The following KRT10 variants were observed in gnomAD, a reference collection of about 807,000 sequenced individuals.
The protein encoded by KRT10 is keratin 10, also known as keratin, type I cytoskeletal 10.
KRT10 carries 40 observed loss-of-function variants against 59.2 expected under a neutral mutation model. The ratio of observed to expected loss-of-function variants is 0.68; its 90% CI spans 0.52 to 0.88. The LOEUF is 0.88. Among genes scored for constraint, KRT10 ranks in the 40% least tolerant of loss-of-function variants. The pLI is 0.00. For missense variants in KRT10, 719 were observed against 749.1 expected (o/e 0.96, Z 0.47); for synonymous variants, 336 against 310.7 (o/e 1.08, Z -0.86).
intron 7 of KRT10, 25 bp from the exon 8 acceptor site, chr17:40,818,507 T>G: frequency 6.8e-7 from 1 of 1,481,176 alleles, no homozygotes; most frequent in Non-Finnish European, 9.4e-7. Flanking sequence ...GAAAAAAAAT[T>G]TTAAACAGTC....
At position 40,818,924 on chromosome 17, in the gene KRT10, G is replaced by A. The variant is rs1484094889; in HGVS notation, c.1611C>T (p.Gly537=). ...SGGYGGGSSG[G]GGGGYGGGSS... is the part of the protein sequence containing the mutation. Reference sequence around the variant, plus strand: ...TGCCGCCCCCGTAGCCGCCGCCGCCGCCGCCGGAACTGCCACCACCGTAGC... The same window carrying A: ...TGCCGCCCCCGTAGCCGCCGCCGCCACCGCCGGAACTGCCACCACCGTAGC... Residue 537 remains glycine (G), a synonymous_variant, in exon 7 of 8, where the codon GGC becomes GGT. Coordinates refer to ENST00000269576, the MANE Select transcript of KRT10 (RefSeq NM_000421.5). 3 of 1,414,896 alleles carry A rather than the reference G, an allele frequency of 2.1e-6. No homozygotes were observed. Among genetic ancestry groups the A allele is most frequent in the Admixed American group, 2.5e-5 (1 of 39,350 alleles). The allele number at this position is 1,414,896 out of a possible 1,614,324, so 87.6% of individuals were successfully genotyped here.
At position 40,820,644 on chromosome 17, in the gene KRT10, C is replaced by T. The variant is rs369473843; in HGVS notation, c.734G>A (p.Arg245His). The T allele has an allele frequency of 4.9e-5, 79 of 1,614,174 alleles. No individual in the cohort carries two copies. Among genetic ancestry groups the T allele is most frequent in the South Asian group, 2.2e-4 (20 of 91,080 alleles). Reference sequence around the variant, plus strand: ...GTTGATGTCAGCCTCCACGCTCTGGCGCAGAGCTACCTCATTCTCATACCT... The same window carrying T: ...GTTGATGTCAGCCTCCACGCTCTGGTGCAGAGCTACCTCATTCTCATACCT... ...RLKYENEVAL[R>H]QSVEADINGL... The change falls in exon 3 of 8, where the codon CGC becomes CAC. Residue 245 changes from arginine (R) to histidine (H), a missense_variant. Coordinates refer to ENST00000269576, the MANE Select transcript of KRT10 (RefSeq NM_000421.5).
At chr17:40,819,445 G>T in intron 6 of KRT10, 72 bp downstream of exon 6, 1 of 1,437,286 alleles carries the variant, frequency 7.0e-7, no homozygotes, top group Non-Finnish European at 9.8e-7. Flanking sequence ...ATCTTCTTGG[G>T]GTTTAGATAA....
chr17:40,820,682 A>G lies in KRT10; in HGVS notation c.711-15T>C, dbSNP rs756574493. 1 of 1,614,040 alleles carries G rather than the reference A, an allele frequency of 6.2e-7. No individual in the cohort carries two copies. On this transcript the variant is annotated splice_polypyrimidine_tract_variant and intron_variant, in intron 2 of 7. Coordinates refer to ENST00000269576, the MANE Select transcript of KRT10 (RefSeq NM_000421.5). ...CATTCTCATACCTGAAACAAGCATG[A>G]TATCAATACTGGTTATAACTTATAT... is the stretch of plus-strand genomic sequence containing the variant.
In KRT10 at chr17:40,818,321, ATGC is replaced by A; in HGVS notation, c.*152_*154del. Reference sequence around the variant, plus strand: ...TGTTTTCTTGGAGACTTTGTTTTCCATGCATCTGTAAATAATGGTCTGTGTGAA... The same window carrying A: ...TGTTTTCTTGGAGACTTTGTTTTCCAATCTGTAAATAATGGTCTGTGTGAA... On this transcript the variant is annotated 3_prime_UTR_variant, in exon 8 of 8. Coordinates refer to ENST00000269576, the MANE Select transcript of KRT10 (RefSeq NM_000421.5). The A allele has an allele frequency of 1.0e-6, 1 of 975,942 alleles. No individual in the cohort carries two copies. Among genetic ancestry groups the A allele is most frequent in the Admixed American group, 2.4e-5 (1 of 42,270 alleles). The allele number at this position is 975,942 out of a possible 1,614,324, so 60.5% of individuals were successfully genotyped here.
chr17:40,820,701 C>G lies in KRT10; in HGVS notation c.711-34G>C, dbSNP rs1317747271. 4 of 1,610,974 alleles carry G rather than the reference C, an allele frequency of 2.5e-6. No individual in the cohort carries two copies. The South Asian group carries it at 4.4e-5, about 18-fold the overall frequency. On this transcript the variant is annotated intron_variant, in intron 2 of 7. Coordinates refer to ENST00000269576, the MANE Select transcript of KRT10 (RefSeq NM_000421.5). ...AGCATGATATCAATACTGGTTATAA[C>G]TTATATAGGGGAGATGTATCTGGGC...
chr17:40,818,991 C>T lies in KRT10; in HGVS notation c.1544G>A (p.Gly515Asp), dbSNP rs1190099972. The T allele has an allele frequency of 1.4e-6, 2 of 1,383,834 alleles. No homozygotes were observed. The highest frequency in any genetic ancestry group is 1.9e-6 in the Non-Finnish European group (2 of 1,067,118). 85.7% of individuals were successfully genotyped at this position (1,383,834 alleles called of 1,614,324 possible). A position where few individuals can be genotyped will look rare whatever the true frequency, so the allele number is the denominator to read the frequency against. The part of the protein sequence containing the change: ...GGGSSGGGYG[G>D]GSSSGGHGGS... ...GCCGTGGCCGCCGCTGGAGCTTCCG[C>T]CCCCGTAGCCGCCGCCGGAGCTTCC... The change falls in exon 7 of 8, where the codon GGC becomes GAC. Residue 515 changes from glycine (G) to aspartate (D), a missense_variant. Around this residue, in one of 4 missense-constraint regions of KRT10, gnomAD observed 315 missense variants for 270.6 expected, o/e 1.16. Coordinates refer to ENST00000269576, the MANE Select transcript of KRT10 (RefSeq NM_000421.5).
chr17:40,818,885 G>GCCGTCGCCGTAT lies in KRT10; in HGVS notation c.1649_1650insATACGGCGACGG (p.Gly550_Ser551insTyrGlyAspGly). On this transcript the variant is annotated inframe_insertion, in exon 7 of 8. Coordinates refer to ENST00000269576, the MANE Select transcript of KRT10 (RefSeq NM_000421.5). ...CGCCGTATCCGCCGCCGGAGCTGCT[G>GCCGTCGCCGTAT]CCGCCGCCGGAGCTGCCGCCCCCGT... 6.6e-7 allele frequency: 1 copy of GCCGTCGCCGTAT among 1,509,202 alleles called. No homozygotes were observed. The highest frequency in any genetic ancestry group is 8.8e-7 in the Non-Finnish European group (1 of 1,133,982). The allele number at this position is 1,509,202 out of a possible 1,614,324, so 93.5% of individuals were successfully genotyped here.
chr17:40,818,900 G>C lies in KRT10; in HGVS notation c.1635C>G (p.Gly545=), dbSNP rs1280022597. ...SGGGGGGYGG[G]SSGGGSSSGG... is the part of the protein sequence containing the mutation. ...CGGAGCTGCTGCCGCCGCCGGAGCT[G>C]CCGCCCCCGTAGCCGCCGCCGCCGC... is the stretch of plus-strand genomic sequence containing the variant. The change falls in exon 7 of 8, where the codon GGC becomes GGG. Residue 545 remains glycine, a synonymous_variant. Transcript: ENST00000269576. 1.2e-5 allele frequency: 17 copies of C among 1,396,774 alleles called. No homozygotes were observed. Among genetic ancestry groups the C allele is most frequent in the African/African-American group, 1.6e-5 (1 of 63,150 alleles). The allele number at this position is 1,396,774 out of a possible 1,614,324, so 86.5% of individuals were successfully genotyped here.
At chr17:40,819,430 C>T in intron 6 of KRT10, 87 bp downstream of exon 6, 2 of 1,368,622 alleles carry the variant, frequency 1.5e-6, no homozygotes, top group East Asian at 2.3e-5. Flanking sequence ...CTCTCATTCT[C>T]TGGCATCTTC....
Position 40,818,790 on chromosome 17 carries a change from G to C in KRT10, c.1745C>G (p.Pro582Arg). 1 of 1,588,394 alleles carries C rather than the reference G, an allele frequency of 6.3e-7. No individual in the cohort carries two copies. Residue 582 changes from proline to arginine, a missense_variant, in exon 7 of 8, where the codon CCA (proline) becomes CGA (arginine). Pro to Arg is a moderately radical substitution (Grantham distance 103, BLOSUM62 -2). This residue lies in a region of KRT10 where 315 missense variants were observed against 270.6 expected (regional missense o/e 1.16). Transcript: ENST00000269576. ...ACCCCAGCTAGTTTCTGCTGACCTT[G>C]GTCCCTTAGATGAAGACTCGCCCAC... is the stretch of plus-strand genomic sequence containing the variant. ...GSVGESSSKG[P>R]RY is the part of the protein sequence containing the mutation.
At chr17:40,818,698 T>G (rs1905160385) in intron 7 of KRT10, 89 bp downstream of exon 7, 2 of 1,587,752 alleles carry the variant, frequency 1.3e-6, no homozygotes, top group Admixed American at 1.7e-5. Flanking sequence ...ATTTTTAATT[T>G]TTTAAAACAA....
Position 40,822,494 on chromosome 17 carries a change from A to ACTCCTCCTCCTCCTCCACATCCTCCTC in KRT10, c.65_91dup (p.Gly22_Gly30dup). 6.2e-7 allele frequency: 1 copy of ACTCCTCCTCCTCCTCCACATCCTCCTC among 1,605,728 alleles called. No individual in the cohort carries two copies. The highest frequency in any genetic ancestry group is 2.2e-5 in the East Asian group (1 of 44,624). ...GCTGCTAGAAATTCTTAGGGATGACACTCCTCCTCCTCCTCCACATCCTCC... is the reference window on the plus strand; with the variant it reads ...GCTGCTAGAAATTCTTAGGGATGACACTCCTCCTCCTCCTCCACATCCTCCTCCTCCTCCTCCTCCTCCACATCCTCC... On this transcript the variant is annotated inframe_insertion, in exon 1 of 8. Transcript: ENST00000269576.
chr17:40,820,064 C>T lies in KRT10; in HGVS notation c.1140G>A (p.Gln380=). ...GTTAACATACCAAGGCCAGTTGGGA[C>T]TGTAGTTCTATCTCCAGAGCTTGTA... is the stretch of plus-strand genomic sequence containing the variant. The part of the protein sequence containing the change: ...RNVQALEIEL[Q]SQLALKQSLE... Residue 380 remains glutamine (Q), a synonymous_variant, in exon 5 of 8, where the codon CAG becomes CAA. Coordinates refer to ENST00000269576, the MANE Select transcript of KRT10 (RefSeq NM_000421.5). 1 of 1,612,880 alleles carries T rather than the reference C, an allele frequency of 6.2e-7. No individual in the cohort carries two copies. The highest frequency in any genetic ancestry group is 8.5e-7 in the Non-Finnish European group (1 of 1,179,976).
chr17:40,818,652 A>T, intron 7 of KRT10, 135 bp downstream of exon 7: 1 of 1,430,116 alleles, frequency 7.0e-7, no homozygotes, highest in Non-Finnish European at 9.6e-7. Flanking sequence ...TGTTAAGAGT[A>T]GTTTGTGAAC....
At position 40,819,661 on chromosome 17, in the gene KRT10, T is replaced by C; in HGVS notation, c.1229A>G (p.Gln410Arg). 1 of 1,614,214 alleles carries C rather than the reference T, an allele frequency of 6.2e-7. No individual in the cohort carries two copies. ...YCVQLSQIQA[Q>R]ISALEEQLQQ... is the part of the protein sequence containing the mutation. ...CAACTGTTCTTCCAGAGCGGATATC[T>C]GGGCCTGAATCTGTGAGAGCTGCAC... Residue 410 changes from glutamine (Q) to arginine (R), a missense_variant, in exon 6 of 8, where the codon CAG becomes CGG. By Grantham distance (43) the Gln-to-Arg change is conservative (BLOSUM62 1). Coordinates refer to ENST00000269576, the MANE Select transcript of KRT10 (RefSeq NM_000421.5).
At position 40,822,386 on chromosome 17, in the gene KRT10, A is replaced by T. The variant is rs780082291; in HGVS notation, c.200T>A (p.Phe67Tyr). 1 of 1,610,288 alleles carries T rather than the reference A, an allele frequency of 6.2e-7. No homozygotes were observed. Among genetic ancestry groups the T allele is most frequent in the South Asian group, 1.1e-5 (1 of 90,740 alleles). ...TCCATAGCCACCTGATGAGCCCCCA[A>T]AGCAGCCCCCACCAGAGCTCCCACG... ...FSRGSSGGGC[F>Y]GGSSGGYGGL... Residue 67 changes from phenylalanine (F) to tyrosine (Y), a missense_variant, in exon 1 of 8, where the codon TTT becomes TAT. Coordinates refer to ENST00000269576, the MANE Select transcript of KRT10 (RefSeq NM_000421.5).
rs150098320 is a variant in KRT10, at chr17:40,820,622, G to A, written c.756C>T (p.Ile252=). 829 of 1,614,196 alleles carry A rather than the reference G, an allele frequency of 5.1e-4. 5 individuals are homozygous for A. The African/African-American group carries it at 9.9e-3, about 19-fold the overall frequency. ...CATCCAGCACCCTACGCAGGCCGTT[G>A]ATGTCAGCCTCCACGCTCTGGCGCA... ...VALRQSVEAD[I]NGLRRVLDEL... The change falls in exon 3 of 8, where the codon ATC becomes ATT. Residue 252 remains isoleucine (I), a synonymous_variant. Transcript: ENST00000269576.
chr17:40,820,069 G>A lies in KRT10; in HGVS notation c.1135C>T (p.Leu379=). 2 of 1,613,004 alleles carry A rather than the reference G, an allele frequency of 1.2e-6. No homozygotes were observed. The highest frequency in any genetic ancestry group is 1.7e-6 in the Non-Finnish European group (2 of 1,179,968). Residue 379 remains leucine (L), a synonymous_variant, in exon 5 of 8, where the codon CTA becomes TTA. Transcript: ENST00000269576. ...RRNVQALEIE[L]QSQLALKQSL... ...CATACCAAGGCCAGTTGGGACTGTAGTTCTATCTCCAGAGCTTGTACATTA... is the reference window on the plus strand; with the variant it reads ...CATACCAAGGCCAGTTGGGACTGTAATTCTATCTCCAGAGCTTGTACATTA...
Sources: gnomAD v4.1 joint callset for allele counts on GRCh38, gnomAD v4.1.1 for gene constraint, gnomAD v4.1.1 regional missense constraint, MANE v1.5 for transcripts, NCBI Gene and HGNC (gene_info 2026-07-23, HGNC 2026-07-21) for gene names.